The following ROBO2 variants were observed in gnomAD, a reference collection of about 807,000 sequenced individuals.
ROBO2 encodes the protein roundabout homolog 2.
In ROBO2, 53 loss-of-function variants were observed where a neutral mutation model predicts 160.8. That is an observed-to-expected ratio of 0.33 (90% CI 0.26 to 0.41). The LOEUF (loss-of-function observed/expected upper bound fraction) is 0.41. Ranked by LOEUF, ROBO2 falls within the 10% of genes least tolerant of loss-of-function variation. ROBO2 has a pLI of 1.00. For synonymous variants in ROBO2, 664 were observed against 611.7 expected (o/e 1.09, Z -1.26); for missense variants, 1,577 against 1,722.4 (o/e 0.92, Z 1.49).
chr3:76,100,538 T>C (rs1431025866), intron 2 of ROBO2, among the ~76,000 whole-genome samples: 5 of 152,212 alleles, frequency 3.3e-5, no homozygotes, highest in African/African-American at 1.2e-4. Context: ...TGAATAGAGT[T>C]GAACATAATT....
chr3:76,636,736 C>T (rs1249374678), intron 2 of ROBO2, among the ~76,000 whole-genome samples: 1 of 152,140 alleles, frequency 6.6e-6, no homozygotes, highest in African/African-American at 2.4e-5. Context: ...CCAACCATAG[C>T]TCCCAGGACA....
intron 2 of ROBO2, among the ~76,000 whole-genome samples, chr3:76,119,873 C>G (rs907266731): frequency 1.4e-5 from 2 of 141,382 alleles, no homozygotes; most frequent in Admixed American, 1.5e-4. Context: ...CCTCCCCTTC[C>G]TTCCCTTCCT....
intron 2 of ROBO2, among the ~76,000 whole-genome samples, chr3:76,143,198 T>A (rs1484882161): frequency 6.6e-6 from 1 of 151,982 alleles, no homozygotes; most frequent in Non-Finnish European, 1.5e-5. Flanking sequence ...AGATATTTAT[T>A]ACTATTATTA....
At chr3:76,603,372 A>T (rs2087384842) in intron 2 of ROBO2, among the ~76,000 whole-genome samples, 1 of 137,472 alleles carries the variant, frequency 7.3e-6, no homozygotes, top group African/African-American at 2.7e-5. Flanking sequence ...ATATATATAT[A>T]TATATATATA....
intron 23 of ROBO2, chr3:77,633,585 A>C (rs368014907): frequency 1.3e-5 from 2 of 152,350 alleles, no homozygotes; most frequent in African/African-American, 4.8e-5. Context: ...AGTAAAGAAA[A>C]AAGATTTTTA....
In ROBO2 at chr3:76,330,718, A is replaced by G. The variant is rs572915727; in HGVS notation, c.109+393116A>G. Among the ~76,000 whole-genome samples the G allele has an allele frequency of 5.9e-5, 9 of 152,268 alleles. No individual in the cohort carries two copies. The South Asian group carries it at 8.3e-4, about 14-fold the overall frequency. On this transcript the variant is annotated intron_variant, in intron 2 of 26. Coordinates refer to the ROBO2 transcript ENST00000487694. ...TATTTTGGATTCCTAGGTCTCATCGATTTGTTGTGATATTACATATAAATG... is the reference window on the plus strand; with the variant it reads ...TATTTTGGATTCCTAGGTCTCATCGGTTTGTTGTGATATTACATATAAATG...
At chr3:76,391,714 T>A (rs1045389781) in intron 2 of ROBO2, among the ~76,000 whole-genome samples, 2 of 152,142 alleles carry the variant, frequency 1.3e-5, no homozygotes, top group Admixed American at 6.5e-5. Context: ...TTTCACCATG[T>A]TGGCCAGGCT....
At chr3:76,585,218 T>C (rs1431438307) in intron 2 of ROBO2, among the ~76,000 whole-genome samples, 2 of 152,206 alleles carry the variant, frequency 1.3e-5, no homozygotes, top group African/African-American at 4.8e-5. Flanking sequence ...AAACTGGAAA[T>C]TAAGGGACTT....
intron 2 of ROBO2, among the ~76,000 whole-genome samples, chr3:75,946,378 G>C (rs1156958308): frequency 6.6e-6 from 1 of 152,014 alleles, no homozygotes; most frequent in East Asian, 1.9e-4. Context: ...AGGCACTAGG[G>C]GATATAGCAG....
At chr3:76,816,571 A>G (rs952674874) in intron 2 of ROBO2, among the ~76,000 whole-genome samples, 3 of 152,000 alleles carry the variant, frequency 2.0e-5, no homozygotes, top group Admixed American at 6.6e-5. Flanking sequence ...GTCATGCTCA[A>G]GTATGTGTGG....
At chr3:77,587,258 G>A (rs183259539) in intron 16 of ROBO2, among the ~76,000 whole-genome samples, 38 of 152,142 alleles carry the variant, frequency 2.5e-4, no homozygotes, top group Non-Finnish European at 4.3e-4. Context: ...GCAGTGTTAC[G>A]GATCAGGCCT....
chr3:77,370,627 T>C (rs943618273), intron 2 of ROBO2, among the ~76,000 whole-genome samples: 2 of 152,254 alleles, frequency 1.3e-5, no homozygotes, highest in Non-Finnish European at 2.9e-5. Flanking sequence ...ATGCCAGGTC[T>C]GGCCCACTGC....
intron 2 of ROBO2, among the ~76,000 whole-genome samples, chr3:76,857,495 T>G (rs1444192087): frequency 6.6e-6 from 1 of 152,200 alleles, no homozygotes; most frequent in Non-Finnish European, 1.5e-5. Flanking sequence ...TTATTTTTAG[T>G]CACAATTTAT....
chr3:76,972,321 T>C (rs2059610246), intron 2 of ROBO2, among the ~76,000 whole-genome samples: 1 of 152,140 alleles, frequency 6.6e-6, no homozygotes, highest in Admixed American at 6.6e-5. Flanking sequence ...TTGATTTCCT[T>C]TGGGGGAATT....
intron 2 of ROBO2, among the ~76,000 whole-genome samples, chr3:77,015,796 C>T (rs1450921259): frequency 1.3e-5 from 2 of 152,158 alleles, no homozygotes; most frequent in Non-Finnish European, 2.9e-5. Context: ...GAAGAACAAA[C>T]AACCGTCTCC....
chr3:76,336,877 A>G (rs34087362), intron 2 of ROBO2, among the ~76,000 whole-genome samples: 11,316 of 152,238 alleles, frequency 0.074, 979 homozygotes, highest in East Asian at 0.42. Flanking sequence ...TACTTTAAGT[A>G]TATATTTAAT....
chr3:77,520,383 A>G (rs1465387756), intron 5 of ROBO2, among the ~76,000 whole-genome samples: 3 of 151,294 alleles, frequency 2.0e-5, no homozygotes, highest in African/African-American at 4.8e-5. Context: ...CAGTTTTCTC[A>G]TCTATAAAAT....
At chr3:76,363,596 C>G (rs1245242102) in intron 2 of ROBO2, among the ~76,000 whole-genome samples, 1 of 151,994 alleles carries the variant, frequency 6.6e-6, no homozygotes, top group Admixed American at 6.6e-5. Flanking sequence ...AGATAATGTT[C>G]TGCACATGAT....
At chr3:77,164,678 C>T (rs1375466633) in intron 2 of ROBO2, among the ~76,000 whole-genome samples, 5 of 112,186 alleles carry the variant, frequency 4.5e-5, no homozygotes, top group Non-Finnish European at 7.6e-5. Context: ...GTCAGCCCCC[C>T]GCCTGGCCAG....
Sources: gnomAD v4.1 joint callset for allele counts (sites outside exome capture counted in the v4.1 genomes callset) on GRCh38, gnomAD v4.1.1 for gene constraint, MANE v1.5 for transcripts, NCBI Gene and HGNC (gene_info 2026-07-23, HGNC 2026-07-21) for gene names.